The following NDFIP1 variants were observed in gnomAD, a reference collection of about 807,000 sequenced individuals.
NDFIP1 encodes NEDD4 family-interacting protein 1.
In NDFIP1, 7 loss-of-function variants were observed where a neutral mutation model predicts 28.8. The ratio of observed to expected loss-of-function variants is 0.24; its 90% CI spans 0.14 to 0.46. The LOEUF is 0.46. Among genes scored for constraint, NDFIP1 ranks in the 20% least tolerant of loss-of-function variants. NDFIP1 has a pLI of 0.99. For synonymous variants in NDFIP1, 92 were observed against 101.0 expected (o/e 0.91, Z 0.53); for missense variants, 194 against 269.1 (o/e 0.72, Z 1.95).
intron 1 of NDFIP1, among the ~76,000 whole-genome samples, chr5:142,110,400 T>C (rs1398491221): frequency 6.6e-6 from 1 of 152,186 alleles, no homozygotes; most frequent in Non-Finnish European, 1.5e-5. Context: ...CCCTACTGTA[T>C]ACTGTCATCT....
intron 1 of NDFIP1, among the ~76,000 whole-genome samples, chr5:142,120,743 ATT>A (rs1362056901): frequency 6.6e-6 from 1 of 152,250 alleles, no homozygotes; most frequent in African/African-American, 2.4e-5. Context: ...GGCCTGACAC[ATT>A]TAATGAGAGT....
rs900287684 is a variant in NDFIP1 at position 142,108,990 on chromosome 5, G to C, written c.16G>C (p.Ala6Pro). The C allele has an allele frequency of 6.9e-7, 1 of 1,444,954 alleles. No homozygotes were observed. The highest frequency in any genetic ancestry group is 2.6e-5 in the Admixed American group (1 of 38,786). 89.5% of individuals were successfully genotyped at this position (1,444,954 alleles called of 1,614,324 possible). A position where few individuals can be genotyped will look rare whatever the true frequency, so the allele number is the denominator to read the frequency against. The change falls in exon 1 of 8, where the codon GCG becomes CCG. Residue 6 changes from alanine to proline, a missense_variant. By Grantham distance (27) the Ala-to-Pro change is conservative. Coordinates refer to ENST00000253814, the MANE Select transcript of NDFIP1 (RefSeq NM_030571.4). MALAL[A>P]ALAAVEPACG... ...CGGCTGCGCCATGGCGTTGGCGTTGGCGGCGCTGGCGGCGGTCGAGCCGGC... is the reference window on the plus strand; with the variant it reads ...CGGCTGCGCCATGGCGTTGGCGTTGCCGGCGCTGGCGGCGGTCGAGCCGGC...
At chr5:142,119,395 A>G (rs1349930315) in intron 1 of NDFIP1, among the ~76,000 whole-genome samples, 2 of 152,238 alleles carry the variant, frequency 1.3e-5, no homozygotes, top group African/African-American at 4.8e-5. Flanking sequence ...TAGTCTTAAA[A>G]ACTCTACTTA....
intron 7 of NDFIP1, among the ~76,000 whole-genome samples, chr5:142,150,602 G>C (rs754987146): frequency 6.6e-6 from 1 of 151,806 alleles, no homozygotes; most frequent in Non-Finnish European, 1.5e-5. Flanking sequence ...GTGCACGCCT[G>C]TTAGTGCCAG....
At chr5:142,121,155 G>A (rs1427317121) in intron 1 of NDFIP1, among the ~76,000 whole-genome samples, 1 of 152,160 alleles carries the variant, frequency 6.6e-6, no homozygotes, top group East Asian at 1.9e-4. Flanking sequence ...GTTGTTTTTA[G>A]AAGAAACAAT....
At chr5:142,125,353 T>C (rs1757160254) in intron 1 of NDFIP1, among the ~76,000 whole-genome samples, 1 of 152,176 alleles carries the variant, frequency 6.6e-6, no homozygotes, top group African/African-American at 2.4e-5. Flanking sequence ...TTGCTTGATG[T>C]TAATATAAAT....
chr5:142,133,194 C>T (rs145657549), intron 3 of NDFIP1, among the ~76,000 whole-genome samples: 11 of 152,296 alleles, frequency 7.2e-5, no homozygotes, highest in Admixed American at 5.9e-4. Context: ...CTCCTAAAAT[C>T]ATTGCTTGGT....
At chr5:142,114,710 CTT>C (rs1419383647) in intron 1 of NDFIP1, among the ~76,000 whole-genome samples, 1 of 152,160 alleles carries the variant, frequency 6.6e-6, no homozygotes, top group Admixed American at 6.6e-5. Flanking sequence ...TGAGAGCTCT[CTT>C]GTAATCTGTG....
At chr5:142,131,957 GT>G in intron 2 of NDFIP1, 62 bp downstream of exon 2, 4 of 1,349,682 alleles carry the variant, frequency 3.0e-6, no homozygotes, top group Non-Finnish European at 4.1e-6. Context: ...TGACATTACA[GT>G]TTAAAAAAAA....
intron 6 of NDFIP1, among the ~76,000 whole-genome samples, chr5:142,142,606 T>C (rs1394562759): frequency 6.6e-6 from 1 of 152,112 alleles, no homozygotes; most frequent in Non-Finnish European, 1.5e-5. Flanking sequence ...TGATCATTCT[T>C]GCTATGTACC....
chr5:142,147,032 A>C (rs889475885), intron 7 of NDFIP1, among the ~76,000 whole-genome samples: 4 of 152,150 alleles, frequency 2.6e-5, no homozygotes, highest in African/African-American at 9.6e-5. Flanking sequence ...GTACGTTAAG[A>C]GTTGTCAGAA....
intron 6 of NDFIP1, chr5:142,142,940 A>AATATATATATATATATATAT (rs1554092157): frequency 2.6e-4 from 10 of 38,144 alleles, no homozygotes; most frequent in Admixed American, 4.0e-4. Context: ...AAAAAAAAAA[A>AATATATATATATATATATAT]ATATATATAT....
Position 142,131,286 on chromosome 5 carries a change from T to A in NDFIP1, c.64-522T>A, listed in dbSNP as rs533401653. On this transcript the variant is annotated intron_variant, in intron 1 of 7. Coordinates refer to ENST00000253814, the MANE Select transcript of NDFIP1 (RefSeq NM_030571.4). ...TGCCTGGCTGAAATTTAATGTATAT[T>A]TTTTTTGACACAGAGTTTCACTCTG... is the stretch of plus-strand genomic sequence containing the variant. 3.1e-4 allele frequency among the ~76,000 whole-genome samples: 47 copies of A among 151,230 alleles called. No homozygotes were observed. The South Asian group carries it at 7.3e-3, about 24-fold the overall frequency.
chr5:142,133,514 T>G (rs1045485810), intron 3 of NDFIP1, among the ~76,000 whole-genome samples: 1 of 152,208 alleles, frequency 6.6e-6, no homozygotes, highest in African/African-American at 2.4e-5. Context: ...GACTGATAAG[T>G]AGCAGAAGTG....
chr5:142,151,406 G>A (rs1757445014), intron 7 of NDFIP1, among the ~76,000 whole-genome samples: 3 of 152,170 alleles, frequency 2.0e-5, no homozygotes, highest in Non-Finnish European at 4.4e-5. Context: ...TTCAGTCATT[G>A]CTGACAGCGT....
intron 1 of NDFIP1, among the ~76,000 whole-genome samples, chr5:142,116,641 G>A (rs914125215): frequency 6.6e-6 from 1 of 151,890 alleles, no homozygotes; most frequent in Non-Finnish European, 1.5e-5. Flanking sequence ...GATTACAGGT[G>A]TGAGCCACCA....
intron 1 of NDFIP1, among the ~76,000 whole-genome samples, chr5:142,124,266 C>T (rs555643946): frequency 2.4e-4 from 37 of 152,290 alleles, no homozygotes; most frequent in African/African-American, 7.0e-4. Context: ...TGCAGTGCTA[C>T]TACCATAACC....
At chr5:142,151,304 G>T (rs908160429) in intron 7 of NDFIP1, among the ~76,000 whole-genome samples, 3 of 152,152 alleles carry the variant, frequency 2.0e-5, no homozygotes, top group Admixed American at 6.5e-5. Flanking sequence ...GCTTCCTTGT[G>T]CAATATCTAG....
At chr5:142,126,028 A>T (rs1254756753) in intron 1 of NDFIP1, among the ~76,000 whole-genome samples, 1 of 152,096 alleles carries the variant, frequency 6.6e-6, no homozygotes, top group African/African-American at 2.4e-5. Flanking sequence ...TAACAATTAG[A>T]TAGAGAATTT....
Sources: gnomAD v4.1 joint callset for allele counts (sites outside exome capture counted in the v4.1 genomes callset) on GRCh38, gnomAD v4.1.1 for gene constraint, MANE v1.5 for transcripts, NCBI Gene and HGNC (gene_info 2026-07-23, HGNC 2026-07-21) for gene names.